Variants in ABCC9 observed in about 807,000 individuals in gnomAD.
ABCC9 encodes the protein ATP binding cassette subfamily C member 9.
A neutral mutation model predicts 188.3 loss-of-function variants in ABCC9; 95 were observed. The observed-to-expected ratio is 0.50, with a 90% CI of 0.43 to 0.60. The LOEUF (loss-of-function observed/expected upper bound fraction) is 0.60, where lower values mean the gene tolerates loss of function less well. ABCC9 is among the 20% of genes least tolerant of loss of function. ABCC9 has a pLI of 0.00. For synonymous variants in ABCC9, 659 were observed against 652.7 expected, an observed-to-expected ratio of 1.01 and a Z score of -0.15; for missense variants, 1,102 against 1,876.3, an observed-to-expected ratio of 0.59 and a Z score of 7.62.
Position 21,936,569 on chromosome 12 carries a change from A to G in ABCC9, c.106T>C (p.Phe36Leu), listed in dbSNP as rs1460302850. ...VDALNLVPHV[F>L]LLFITFPILF... ...ATTGGAAAAGTGATAAACAACAGAA[A>G]GACATGAGGGACCAGGTTGAGGGCA... Residue 36 changes from phenylalanine to leucine, a missense_variant, in exon 3 of 40, where the codon TTT becomes CTT. By Grantham distance (22) the Phe-to-Leu change is conservative. Coordinates refer to ENST00000261200, the MANE Select transcript of ABCC9 (RefSeq NM_020297.4). 1.2e-6 allele frequency: 2 copies of G among 1,613,282 alleles called. No homozygotes were observed. The highest frequency in any genetic ancestry group is 2.7e-5 in the African/African-American group (2 of 75,024).
intron 5 of ABCC9, among the ~76,000 whole-genome samples, chr12:21,920,973 T>C (rs1948795434): frequency 6.6e-6 from 1 of 152,000 alleles, no homozygotes; most frequent in Non-Finnish European, 1.5e-5. Context: ...TTCATCTGTT[T>C]ATGGACACTT....
At position 21,913,074 on chromosome 12, in the gene ABCC9, AAAAAAAAAG is replaced by A. The variant is rs1592219090; in HGVS notation, c.817-17_817-9del. On this transcript the variant is annotated splice_polypyrimidine_tract_variant and intron_variant, in intron 7 of 39. Transcript: ENST00000261200. Reference sequence around the variant, plus strand: ...ATGATCTGCAACTTTTTTCTGAAGAAAAAAAAAAGAAAAAAAAAACAGATGTAACAAAAT... The same window carrying A: ...ATGATCTGCAACTTTTTTCTGAAGAAAAAAAAAAAACAGATGTAACAAAAT... The A allele has an allele frequency of 1.9e-6, 3 of 1,588,896 alleles. No homozygotes were observed. The highest frequency in any genetic ancestry group is 2.6e-6 in the Non-Finnish European group (3 of 1,169,970).
chr12:21,899,136 T>C (rs1947582206), intron 12 of ABCC9, among the ~76,000 whole-genome samples: 1 of 152,230 alleles, frequency 6.6e-6, no homozygotes, highest in Non-Finnish European at 1.5e-5. Flanking sequence ...GAAGCAAATC[T>C]GATTGATTTC....
At chr12:21,847,477 G>T (rs1592058779) in intron 25 of ABCC9, among the ~76,000 whole-genome samples, 1 of 152,078 alleles carries the variant, frequency 6.6e-6, no homozygotes, top group Middle Eastern at 3.4e-3. Context: ...TAATTGGTTG[G>T]TAGAAATGCA....
chr12:21,891,179 C>A (rs2096658429), intron 14 of ABCC9, among the ~76,000 whole-genome samples: 1 of 152,212 alleles, frequency 6.6e-6, no homozygotes, highest in African/African-American at 2.4e-5. Flanking sequence ...CTTTGGAATT[C>A]TTAATGCCTA....
chr12:21,867,040 T>A (rs1056517517), intron 18 of ABCC9, among the ~76,000 whole-genome samples: 1 of 152,162 alleles, frequency 6.6e-6, no homozygotes, highest in Non-Finnish European at 1.5e-5. Flanking sequence ...TCTTCACTTC[T>A]GAAAACCTCT....
chr12:21,864,801 TAC>T (rs1223718206), intron 18 of ABCC9, among the ~76,000 whole-genome samples: 2 of 152,162 alleles, frequency 1.3e-5, no homozygotes, highest in South Asian at 2.1e-4. Flanking sequence ...CCCTCTAGAA[TAC>T]AGTTTCCCGT....
chr12:21,866,358 G>A (rs1005507200), intron 18 of ABCC9, among the ~76,000 whole-genome samples: 1 of 152,056 alleles, frequency 6.6e-6, no homozygotes, highest in Admixed American at 6.5e-5. Context: ...CTGAACTAGA[G>A]GGAACAAGAC....
chr12:21,861,776 TAAA>T (rs1209011168), intron 20 of ABCC9, among the ~76,000 whole-genome samples: 1 of 151,996 alleles, frequency 6.6e-6, no homozygotes, highest in Non-Finnish European at 1.5e-5. Context: ...CTTGAGAAAG[TAAA>T]AAAGTTCATG....
intron 15 of ABCC9, among the ~76,000 whole-genome samples, chr12:21,883,078 T>C (rs1249311250): frequency 6.6e-6 from 1 of 151,808 alleles, no homozygotes; most frequent in Non-Finnish European, 1.5e-5. Flanking sequence ...TGAGAAAAAA[T>C]GAAAAATATG....
chr12:21,894,290 T>C, intron 13 of ABCC9, 116 bp from the exon 14 acceptor site: 1 of 1,196,746 alleles, frequency 8.4e-7, no homozygotes, highest in Non-Finnish European at 1.2e-6. Flanking sequence ...GTAACTATGA[T>C]AACAATGACT....
chr12:21,858,521 G>C (rs1945342063), intron 22 of ABCC9, among the ~76,000 whole-genome samples: 1 of 151,630 alleles, frequency 6.6e-6, no homozygotes, highest in Admixed American at 6.6e-5. Context: ...GGAGGTTGCA[G>C]TGAGCTGAGA....
At chr12:21,893,977 C>A in intron 14 of ABCC9, 55 bp downstream of exon 14, 1 of 1,572,944 alleles carries the variant, frequency 6.4e-7, no homozygotes, top group Non-Finnish European at 8.7e-7. Flanking sequence ...CTCCTATTAG[C>A]ACACGTCATT....
chr12:21,853,062 C>T (rs1021412732), intron 22 of ABCC9, among the ~76,000 whole-genome samples: 5 of 152,206 alleles, frequency 3.3e-5, no homozygotes, highest in Admixed American at 3.3e-4. Context: ...CGTCTGTAAT[C>T]CCAGCATTTT....
intron 25 of ABCC9, 52 bp from the exon 26 acceptor site, chr12:21,845,884 A>G: frequency 7.9e-7 from 1 of 1,258,546 alleles, no homozygotes; most frequent in South Asian, 1.2e-5. Context: ...GGCTAGATAT[A>G]ATTTTTATTG....
At chr12:21,883,425 T>G (rs953353325) in intron 15 of ABCC9, among the ~76,000 whole-genome samples, 4 of 152,218 alleles carry the variant, frequency 2.6e-5, no homozygotes, top group Non-Finnish European at 5.9e-5. Flanking sequence ...CCTGCCACCA[T>G]GTAAGATGTG....
chr12:21,805,925 C>T, intron 39 of ABCC9, 73 bp downstream of exon 39: 1 of 1,433,876 alleles, frequency 7.0e-7, no homozygotes, highest in Admixed American at 1.7e-5. Context: ...GTATATTTTG[C>T]TAAAACCTAA....
chr12:21,828,276 T>C (rs948466406), intron 31 of ABCC9: 10 of 153,824 alleles, frequency 6.5e-5, no homozygotes, highest in African/African-American at 2.4e-4. Flanking sequence ...ATGAACCCCC[T>C]ACCAGGGCAG....
intron 4 of ABCC9, among the ~76,000 whole-genome samples, chr12:21,933,270 T>C (rs998897237): frequency 1.3e-5 from 2 of 151,806 alleles, no homozygotes; most frequent in African/African-American, 2.4e-5. Context: ...AAACAACTAA[T>C]GGGTACTAGG....
Sources: gnomAD v4.1 joint callset for allele counts (sites outside exome capture counted in the v4.1 genomes callset) on GRCh38, gnomAD v4.1.1 for gene constraint, MANE v1.5 for transcripts, NCBI Gene and HGNC (gene_info 2026-07-23, HGNC 2026-07-21) for gene names.